NRXN1: variants seen among roughly 807,000 people sequenced by gnomAD.
NRXN1 encodes the protein neurexin 1.
Under a neutral mutation model 150.9 loss-of-function variants are expected in NRXN1, and 39 were observed. The ratio of observed to expected loss-of-function variants is 0.26; its 90% CI spans 0.20 to 0.34. NRXN1 has a LOEUF of 0.34. Ranked by LOEUF, NRXN1 falls within the 10% of genes least tolerant of loss-of-function variation. The pLI, the probability that NRXN1 is intolerant of heterozygous loss-of-function variation, is 1.00. For synonymous variants in NRXN1, 924 were observed against 757.0 expected, an observed-to-expected ratio of 1.22 and a Z score of -3.62; for missense variants, 1,815 against 1,949.9, an observed-to-expected ratio of 0.93 and a Z score of 1.30.
At chr2:50,223,177 C>CA (rs1015942329) in intron 18 of NRXN1, among the ~76,000 whole-genome samples, 1 of 151,248 alleles carries the variant, frequency 6.6e-6, no homozygotes, top group African/African-American at 2.4e-5. Context: ...AGAAGAATAC[C>CA]AAAAAATTAG....
chr2:50,133,961 C>T (rs1237228015), intron 18 of NRXN1, among the ~76,000 whole-genome samples: 1 of 152,128 alleles, frequency 6.6e-6, no homozygotes, highest in Non-Finnish European at 1.5e-5. Context: ...ACTGCTGAGA[C>T]CTTCTCTAAA....
intron 5 of NRXN1, among the ~76,000 whole-genome samples, chr2:50,774,551 T>G (rs1402671086): frequency 6.6e-6 from 1 of 152,166 alleles, no homozygotes; most frequent in Non-Finnish European, 1.5e-5. Context: ...TTCATGCAAA[T>G]TCTACTAAAT....
intron 8 of NRXN1, among the ~76,000 whole-genome samples, chr2:50,602,180 A>C (rs532394028): frequency 6.6e-6 from 1 of 152,332 alleles, no homozygotes; most frequent in South Asian, 2.1e-4. Context: ...GAGATTTGGA[A>C]AATTCATCAA....
At chr2:50,805,674 C>A (rs1440453447) in intron 5 of NRXN1, among the ~76,000 whole-genome samples, 2 of 152,012 alleles carry the variant, frequency 1.3e-5, no homozygotes, top group African/African-American at 4.8e-5. Context: ...AAAATATTTT[C>A]CATTGATTAC....
intron 21 of NRXN1, among the ~76,000 whole-genome samples, chr2:50,021,378 T>C (rs1687543767): frequency 6.6e-6 from 1 of 152,156 alleles, no homozygotes; most frequent in South Asian, 2.1e-4. Context: ...GGATGGAAAC[T>C]TCTTTTGGTT....
intron 16 of NRXN1, 70 bp from the exon 17 acceptor site, chr2:50,465,631 T>A: frequency 2.7e-6 from 4 of 1,478,342 alleles, no homozygotes; most frequent in Non-Finnish European, 3.7e-6. Context: ...ATGAGCTAGA[T>A]CACATGTAGT....
chr2:50,837,822 ATAACAAT>A (rs1386754797), intron 5 of NRXN1, among the ~76,000 whole-genome samples: 2 of 152,196 alleles, frequency 1.3e-5, no homozygotes, highest in African/African-American at 4.8e-5. Context: ...TTATACAAAA[ATAACAAT>A]TTAGTTTTAT....
intron 21 of NRXN1, among the ~76,000 whole-genome samples, chr2:50,052,129 A>G (rs1421675809): frequency 6.6e-6 from 1 of 152,088 alleles, no homozygotes; most frequent in Non-Finnish European, 1.5e-5. Context: ...TGGGGTGCTG[A>G]TACAAACAGA....
intron 5 of NRXN1, among the ~76,000 whole-genome samples, chr2:50,892,147 G>A (rs1681163658): frequency 6.6e-6 from 1 of 152,082 alleles, no homozygotes; most frequent in African/African-American, 2.4e-5. Context: ...CATTTGAACA[G>A]GGATTACAAT....
intron 12 of NRXN1, among the ~76,000 whole-genome samples, chr2:50,519,042 A>G (rs1334449222): frequency 2.0e-5 from 3 of 151,922 alleles, no homozygotes; most frequent in African/African-American, 7.2e-5. Flanking sequence ...TATTTGCTTA[A>G]AGAAAACAAA....
intron 8 of NRXN1, among the ~76,000 whole-genome samples, chr2:50,570,020 A>G (rs1428924380): frequency 6.6e-6 from 1 of 152,188 alleles, no homozygotes. Flanking sequence ...CGCTGCTCAT[A>G]TACATGTGGA....
intron 2 of NRXN1, among the ~76,000 whole-genome samples, chr2:51,005,795 C>T (rs949408148): frequency 4.0e-5 from 6 of 151,834 alleles, no homozygotes; most frequent in African/African-American, 1.4e-4. Context: ...TCAGTAGTAA[C>T]CTTCAATCTA....
intron 2 of NRXN1, among the ~76,000 whole-genome samples, chr2:51,007,621 T>C (rs1361359810): frequency 6.6e-6 from 1 of 151,930 alleles, no homozygotes; most frequent in Non-Finnish European, 1.5e-5. Context: ...TGGATAGTTT[T>C]TGATAAAGGA....
chr2:50,429,263 T>A (rs977448592), intron 17 of NRXN1, among the ~76,000 whole-genome samples: 20 of 152,204 alleles, frequency 1.3e-4, no homozygotes, highest in African/African-American at 4.6e-4. Context: ...ATACTTTTTT[T>A]TCTTTTCTTT....
chr2:50,648,577 C>T (rs988608934), intron 5 of NRXN1, among the ~76,000 whole-genome samples: 2 of 151,922 alleles, frequency 1.3e-5, no homozygotes, highest in Admixed American at 1.3e-4. Context: ...GGCACGTGAG[C>T]CGCTGCTTCA....
intron 21 of NRXN1, among the ~76,000 whole-genome samples, chr2:49,950,238 T>C (rs889776653): frequency 8.6e-5 from 13 of 151,940 alleles, no homozygotes; most frequent in Admixed American, 7.2e-4. Flanking sequence ...CAATTTCAGT[T>C]AATGAACAAT....
chr2:50,043,127 G>GT (rs1003290886), intron 21 of NRXN1, among the ~76,000 whole-genome samples: 7 of 152,026 alleles, frequency 4.6e-5, no homozygotes, highest in African/African-American at 7.2e-5. Context: ...TTATACATGT[G>GT]TTTTTTTACT....
chr2:51,010,210 G>A (rs1442402306), intron 2 of NRXN1, among the ~76,000 whole-genome samples: 1 of 151,828 alleles, frequency 6.6e-6, no homozygotes, highest in Non-Finnish European at 1.5e-5. Flanking sequence ...TTGATAATCT[G>A]CTCTTGCACT....
intron 17 of NRXN1, among the ~76,000 whole-genome samples, chr2:50,369,753 A>T (rs1309062523): frequency 1.3e-5 from 2 of 151,924 alleles, no homozygotes; most frequent in East Asian, 3.9e-4. Flanking sequence ...TGGCTAATCG[A>T]AGTAATGATC....
Sources: gnomAD v4.1 joint callset for allele counts (sites outside exome capture counted in the v4.1 genomes callset) on GRCh38, gnomAD v4.1.1 for gene constraint, MANE v1.5 for transcripts, NCBI Gene and HGNC (gene_info 2026-07-23, HGNC 2026-07-21) for gene names.